RPL34: variants seen among roughly 807,000 people sequenced by gnomAD.
RPL34 encodes the protein large ribosomal subunit protein eL34.
A neutral mutation model predicts 16.3 loss-of-function variants in RPL34; 2 were observed. The observed-to-expected ratio is 0.12, with a 90% confidence interval of 0.05 to 0.39. The LOEUF (loss-of-function observed/expected upper bound fraction) is 0.39, where lower values mean the gene tolerates loss of function less well. RPL34 is among the 10% of genes least tolerant of loss of function. RPL34 has a pLI of 0.99. For missense variants in RPL34, 82 were observed against 148.8 expected, an observed-to-expected ratio of 0.55 and a Z score of 2.33; for synonymous variants, 47 against 48.5, an observed-to-expected ratio of 0.97 and a Z score of 0.13.
At chr4:108,627,660 G>A (rs1578326328), downstream of RPL34, among the ~76,000 whole-genome samples, 1 of 152,018 alleles carries the variant, frequency 6.6e-6, no homozygotes, top group Admixed American at 6.6e-5. Context: ...TCAGGAGTTC[G>A]AGACCAGCCT....
At chr4:108,622,475 G>A (rs1488801024) in intron 3 of RPL34, 40 bp from the exon 4 acceptor site, 1 of 1,495,922 alleles carries the variant, frequency 6.7e-7, no homozygotes, top group African/African-American at 1.4e-5. Context: ...GGAAATTTCT[G>A]TTAAAGCATC....
chr4:108,621,747 A>G (rs1725786011), intron 1 of RPL34: 2 of 503,326 alleles, frequency 4.0e-6, no homozygotes, highest in East Asian at 7.1e-5. Flanking sequence ...TTTGATTACC[A>G]TCAGGAAAGC....
At chr4:108,623,206 G>C in intron 4 of RPL34, 1 of 152,242 alleles carries the variant, frequency 6.6e-6, no homozygotes, top group East Asian at 1.9e-4. Context: ...GGTGGCGCAT[G>C]CCTGTGATCC....
At chr4:108,624,544 A>G (rs570793616) in intron 4 of RPL34, among the ~76,000 whole-genome samples, 1 of 152,314 alleles carries the variant, frequency 6.6e-6, no homozygotes, top group African/African-American at 2.4e-5. Flanking sequence ...AAAGTCTAGA[A>G]AATCTTTCCA....
At position 108,625,314 on chromosome 4, in the gene RPL34, TG is replaced by T; in HGVS notation, c.*104del. 1.5e-6 allele frequency: 1 copy of T among 668,258 alleles called. No individual in the cohort carries two copies. The highest frequency in any genetic ancestry group is 1.8e-5 in the African/African-American group (1 of 54,976). The allele number at this position is 668,258 out of a possible 1,614,324, so 41.4% of individuals were successfully genotyped here. A position where few individuals can be genotyped will look rare whatever the true frequency, so the allele number is the denominator to read the frequency against. On this transcript the variant is annotated 3_prime_UTR_variant, in exon 5 of 5. Transcript: ENST00000394667. ...TTAGTATACAGATTTTGTTTCTGTATGGTATTTGGGGACCCTATAGTTTTTA... is the reference window on the plus strand; with the variant it reads ...TTAGTATACAGATTTTGTTTCTGTATGTATTTGGGGACCCTATAGTTTTTA...
At chr4:108,621,612 T>C (rs548060114) in intron 1 of RPL34, 2 of 264,690 alleles carry the variant, frequency 7.6e-6, no homozygotes, top group African/African-American at 2.2e-5. Context: ...AGCTCACTTT[T>C]TGTGCTCTTT....
downstream of RPL34, among the ~76,000 whole-genome samples, chr4:108,628,318 G>T (rs543056653): frequency 3.5e-4 from 53 of 151,930 alleles, no homozygotes; most frequent in Non-Finnish European, 7.1e-4. Flanking sequence ...TCATGATTCA[G>T]GCTTATATAT....
At chr4:108,623,567 A>C (rs1338819735) in intron 4 of RPL34, among the ~76,000 whole-genome samples, 1 of 152,028 alleles carries the variant, frequency 6.6e-6, no homozygotes, top group Non-Finnish European at 1.5e-5. Flanking sequence ...ATGCCACCAC[A>C]CTTGACTGAT....
At chr4:108,629,305 A>G (rs554093710), downstream of RPL34, among the ~76,000 whole-genome samples, 4 of 152,302 alleles carry the variant, frequency 2.6e-5, no homozygotes, top group Non-Finnish European at 5.9e-5. Context: ...GCAGTATGAA[A>G]TTTACATGCT....
chr4:108,629,688 G>A (rs767485091), downstream of RPL34, among the ~76,000 whole-genome samples: 25 of 152,226 alleles, frequency 1.6e-4, no homozygotes, highest in Non-Finnish European at 2.5e-4. Flanking sequence ...TTCTCCTTCC[G>A]TTGAATTGCT....
chr4:108,622,501 T>C lies in RPL34; in HGVS notation c.166-14T>C. On this transcript the variant is annotated splice_polypyrimidine_tract_variant and intron_variant, in intron 3 of 4. Transcript: ENST00000394667. ...TTAAAGCATCACAAAAATCTTAATATTTTTCTTATGCAGGTTCGTGCTGTA... is the reference window on the plus strand; with the variant it reads ...TTAAAGCATCACAAAAATCTTAATACTTTTCTTATGCAGGTTCGTGCTGTA... 6.3e-7 allele frequency: 1 copy of C among 1,596,636 alleles called. No homozygotes were observed. The highest frequency in any genetic ancestry group is 8.6e-7 in the Non-Finnish European group (1 of 1,166,130).
chr4:108,622,005 G>A lies in RPL34; in HGVS notation c.46G>A (p.Ala16Thr). 1 of 1,612,966 alleles carries A rather than the reference G, an allele frequency of 6.2e-7. No homozygotes were observed. The change falls in exon 2 of 5, where the codon GCC becomes ACC. Residue 16 changes from alanine to threonine, a missense_variant. Physicochemically the swap from Ala to Thr is moderately conservative, Grantham distance 58. Coordinates refer to ENST00000394667, the MANE Select transcript of RPL34 (RefSeq NM_001319236.2). Reference protein sequence around the residue: ...TYRRRLSYNTASNKTRLSRTP... With the variant: ...TYRRRLSYNTTSNKTRLSRTP... ...CCGACGTAGGCTTTCCTACAATACA[G>A]CCTCTAACAAAACTAGGCTGTAAGT... is the stretch of plus-strand genomic sequence containing the variant.
chr4:108,627,856 CA>C (rs113128106), downstream of RPL34, among the ~76,000 whole-genome samples: 661 of 117,368 alleles, frequency 5.6e-3, 1 homozygote, highest in African/African-American at 0.014. Flanking sequence ...TGAGACTCCT[CA>C]AAAAAAAAAA....
Position 108,622,500 on chromosome 4 carries a change from A to G in RPL34, c.166-15A>G. ...GTTAAAGCATCACAAAAATCTTAAT[A>G]TTTTTCTTATGCAGGTTCGTGCTGT... On this transcript the variant is annotated splice_polypyrimidine_tract_variant and intron_variant, in intron 3 of 4. Coordinates refer to ENST00000394667, the MANE Select transcript of RPL34 (RefSeq NM_001319236.2). 1 of 1,593,292 alleles carries G rather than the reference A, an allele frequency of 6.3e-7. No homozygotes were observed. Among genetic ancestry groups the G allele is most frequent in the Non-Finnish European group, 8.6e-7 (1 of 1,163,214 alleles).
At chr4:108,626,737 C>T (rs1235450861), downstream of RPL34, among the ~76,000 whole-genome samples, 1 of 152,116 alleles carries the variant, frequency 6.6e-6, no homozygotes, top group Non-Finnish European at 1.5e-5. Flanking sequence ...TTGCACCCGG[C>T]CAACACCATC....
chr4:108,623,854 A>G (rs1312680243), intron 4 of RPL34, among the ~76,000 whole-genome samples: 2 of 152,254 alleles, frequency 1.3e-5, no homozygotes, highest in African/African-American at 4.8e-5. Flanking sequence ...GCAAAGCTTA[A>G]CTATGATTGA....
At chr4:108,623,431 A>G (rs1401376012) in intron 4 of RPL34, 1 of 152,040 alleles carries the variant, frequency 6.6e-6, no homozygotes, top group Non-Finnish European at 1.5e-5. Flanking sequence ...TGATTTTGAG[A>G]TGGAGTCTCG....
downstream of RPL34, chr4:108,625,390 G>T: frequency 2.0e-6 from 1 of 504,598 alleles, no homozygotes; most frequent in Non-Finnish European, 3.5e-6. Context: ...TTTTGGTTTG[G>T]TTTGGTTTTT....
At chr4:108,627,221 A>G (rs1198069877), downstream of RPL34, among the ~76,000 whole-genome samples, 1 of 151,748 alleles carries the variant, frequency 6.6e-6, no homozygotes, top group Admixed American at 6.6e-5. Context: ...CCTGTGCGAC[A>G]GAGCGAGACT....
Sources: allele counts gnomAD v4.1 joint callset (sites outside exome capture counted in the v4.1 genomes callset), GRCh38; gene constraint gnomAD v4.1.1; transcripts MANE v1.5; gene names NCBI Gene and HGNC (gene_info 2026-07-23, HGNC 2026-07-21).